Variants in WDR26 observed in about 807,000 individuals in gnomAD.
The protein encoded by WDR26 is WD repeat domain 26.
WDR26 carries 5 observed loss-of-function variants against 84.1 expected under a neutral mutation model. That is an observed-to-expected ratio of 0.06 (90% CI 0.03 to 0.13). The LOEUF (loss-of-function observed/expected upper bound fraction) is 0.13, where lower values mean the gene tolerates loss of function less well. Among genes scored for constraint, WDR26 ranks in the 10% least tolerant of loss-of-function variants. The probability of loss-of-function intolerance (pLI) is 1.00; values close to 1 mark genes in which losing one functional copy is unlikely to be tolerated. For synonymous variants in WDR26, 415 were observed against 389.6 expected (o/e 1.07, Z -0.77); for missense variants, 642 against 974.9 (o/e 0.66, Z 4.55).
chr1:224,415,740 G>A (rs1252850248), intron 6 of WDR26, among the ~76,000 whole-genome samples: 1 of 152,190 alleles, frequency 6.6e-6, no homozygotes, highest in East Asian at 1.9e-4. Context: ...GATTACAGGC[G>A]TGAGCCACTG....
chr1:224,417,582 T>TATA (rs1289070206), intron 6 of WDR26, among the ~76,000 whole-genome samples: 1 of 152,194 alleles, frequency 6.6e-6, no homozygotes, highest in African/African-American at 2.4e-5. Context: ...TGCATGCCTA[T>TATA]ATAGTCCTAG....
At chr1:224,414,217 T>C (rs1331704058) in intron 6 of WDR26, among the ~76,000 whole-genome samples, 1 of 151,900 alleles carries the variant, frequency 6.6e-6, no homozygotes, top group Non-Finnish European at 1.5e-5. Flanking sequence ...GCAATTCTCC[T>C]GCTTCAGCCT....
At position 224,431,672 on chromosome 1, in the gene WDR26, C is replaced by A; in HGVS notation, c.822+10G>T. ...GCAGCAGTCACACAGCTCTATATGC[C>A]CTACTTTACCTTATCCCAGTCTCCT... On this transcript the variant is annotated intron_variant, in intron 2 of 13. Transcript: ENST00000414423. 1 of 1,612,782 alleles carries A rather than the reference C, an allele frequency of 6.2e-7. No individual in the cohort carries two copies. Among genetic ancestry groups the A allele is most frequent in the South Asian group, 1.1e-5 (1 of 91,016 alleles).
In WDR26 at chr1:224,413,104, G is replaced by A. The variant is rs1572188843; in HGVS notation, c.1320-1539C>T. On this transcript the variant is annotated intron_variant, in intron 6 of 13. Coordinates refer to ENST00000414423, the MANE Select transcript of WDR26 (RefSeq NM_001379403.1). ...CTCAAGAAGCTGAGGCAGGAGAATC[G>A]CTTGAATGTGGGAGGTGGAGGTTGC... 2.1e-5 allele frequency: 4 copies of A among 193,590 alleles called. No individual in the cohort carries two copies. The South Asian group carries it at 3.7e-4, about 18-fold the overall frequency. 12.0% of individuals were successfully genotyped at this position (193,590 alleles called of 1,614,324 possible).
At position 224,399,100 on chromosome 1, in the gene WDR26, A is replaced by G. The variant is rs1673337969; in HGVS notation, c.1720-66T>C. ...GCACTCAGAAAGCAAATAAAGAACC[A>G]AAAGACTCCCTTCACAATATCTTTT... On this transcript the variant is annotated intron_variant, in intron 9 of 13. Transcript: ENST00000414423. 6 of 1,388,060 alleles carry G rather than the reference A, an allele frequency of 4.3e-6. No homozygotes were observed. In the East Asian group the frequency reaches 1.6e-4, roughly 37 times the overall value. The allele number at this position is 1,388,060 out of a possible 1,614,324, so 86.0% of individuals were successfully genotyped here. A position where few individuals can be genotyped will look rare whatever the true frequency, so the allele number is the denominator to read the frequency against.
intron 13 of WDR26, among the ~76,000 whole-genome samples, chr1:224,390,434 C>T (rs1367671656): frequency 6.6e-6 from 1 of 152,140 alleles, no homozygotes. Context: ...GAATCTCATA[C>T]TTTTAAAATT....
At chr1:224,430,254 A>C (rs1674353676) in intron 3 of WDR26, 1 of 152,140 alleles carries the variant, frequency 6.6e-6, no homozygotes, top group Admixed American at 6.5e-5. Context: ...TTTATTTTTC[A>C]ATTTTACTAC....
Position 224,434,167 on chromosome 1 carries a change from G to A in WDR26, c.239C>T (p.Pro80Leu), listed in dbSNP as rs1674523343. 7.0e-7 allele frequency: 1 copy of A among 1,423,264 alleles called. No individual in the cohort carries two copies. Among genetic ancestry groups the A allele is most frequent in the African/African-American group, 1.4e-5 (1 of 68,984 alleles). The allele number at this position is 1,423,264 out of a possible 1,614,324, so 88.2% of individuals were successfully genotyped here. The stretch of plus-strand genomic sequence containing the variant: ...GTGGGGGACAGCAGCGGCGGCGGGA[G>A]GGGCAGCAGCCGGGGGAAGTCCCAC... Residue 80 changes from proline (P) to leucine (L), a missense_variant, in exon 1 of 14, where the codon CCT becomes CTT. Physicochemically the swap from Pro to Leu is moderately conservative, Grantham distance 98. Coordinates refer to ENST00000414423, the MANE Select transcript of WDR26 (RefSeq NM_001379403.1).
chr1:224,434,700 GGCGGCGGGCGGCA>G lies in WDR26; in HGVS notation c.-308_-296del. On this transcript the variant is annotated 5_prime_UTR_variant, in exon 1 of 14. Transcript: ENST00000414423. Reference sequence around the variant, plus strand: ...CCCCGGCAGTGGCTGCGGCGGCGGCGGCGGCGGGCGGCAGCGGAGGCAGCTGCCGCCTCTGTCC... The same window carrying G: ...CCCCGGCAGTGGCTGCGGCGGCGGCGGCGGAGGCAGCTGCCGCCTCTGTCC... 1 of 948,008 alleles carries G rather than the reference GGCGGCGGGCGGCA, an allele frequency of 1.1e-6. No individual in the cohort carries two copies. Among genetic ancestry groups the G allele is most frequent in the Middle Eastern group, 5.4e-4 (1 of 1,860 alleles). The allele number at this position is 948,008 out of a possible 1,614,324, so 58.7% of individuals were successfully genotyped here.
intron 3 of WDR26, among the ~76,000 whole-genome samples, chr1:224,427,607 C>A (rs1674266605): frequency 6.6e-6 from 1 of 152,156 alleles, no homozygotes; most frequent in African/African-American, 2.4e-5. Context: ...CAGATCAAGA[C>A]CAAGAATATT....
intron 4 of WDR26, 75 bp from the exon 5 acceptor site, chr1:224,419,690 C>T: frequency 1.7e-6 from 2 of 1,179,692 alleles, no homozygotes. Flanking sequence ...AAGTACTGAC[C>T]ATCTGGCTAT....
At chr1:224,421,019 T>A (rs984311863) in intron 4 of WDR26, among the ~76,000 whole-genome samples, 1 of 152,234 alleles carries the variant, frequency 6.6e-6, no homozygotes, top group Non-Finnish European at 1.5e-5. Context: ...TTAGAATTGC[T>A]TCTATGTCCT....
At position 224,398,206 on chromosome 1, in the gene WDR26, C is replaced by T; in HGVS notation, c.1965G>A (p.Leu655=). ...ACTTTCTTACTAAAACTCTGTCTTG[C>T]AAGTCCCATAAATGAACTCCCTGCA... Residue 655 remains leucine, a synonymous_variant, in exon 12 of 14, where the codon TTG becomes TTA. Coordinates refer to ENST00000414423, the MANE Select transcript of WDR26 (RefSeq NM_001379403.1). The T allele has an allele frequency of 6.2e-7, 1 of 1,613,126 alleles. No homozygotes were observed. Among genetic ancestry groups the T allele is most frequent in the Non-Finnish European group, 8.5e-7 (1 of 1,179,788 alleles).
At chr1:224,396,110 C>G (rs1328455422) in intron 12 of WDR26, among the ~76,000 whole-genome samples, 1 of 152,154 alleles carries the variant, frequency 6.6e-6, no homozygotes, top group Admixed American at 6.6e-5. Flanking sequence ...AAAACATTTT[C>G]AAAACCATTC....
At chr1:224,410,691 T>G (rs1457503557) in intron 7 of WDR26, among the ~76,000 whole-genome samples, 1 of 139,372 alleles carries the variant, frequency 7.2e-6, no homozygotes, top group East Asian at 1.9e-4. Context: ...TTAATCTTTC[T>G]TTCTTTTTTT....
intron 3 of WDR26, among the ~76,000 whole-genome samples, chr1:224,428,423 C>T (rs1674291302): frequency 6.6e-6 from 1 of 152,142 alleles, no homozygotes; most frequent in African/African-American, 2.4e-5. Flanking sequence ...GCACTCAAAA[C>T]TCCTATTTGA....
At position 224,422,711 on chromosome 1, in the gene WDR26, T is replaced by C. The variant is rs1674098604; in HGVS notation, c.1064+1807A>G. On this transcript the variant is annotated intron_variant, in intron 4 of 13. Coordinates refer to ENST00000414423, the MANE Select transcript of WDR26 (RefSeq NM_001379403.1). Reference sequence around the variant, plus strand: ...CCTGGGTGACAATAGTGAAACTCTGTCTCAAAAAAAAAAAAGGAAAGAAAT... The same window carrying C: ...CCTGGGTGACAATAGTGAAACTCTGCCTCAAAAAAAAAAAAGGAAAGAAAT... 1.4e-4 allele frequency among the ~76,000 whole-genome samples: 4 copies of C among 27,654 alleles called. No homozygotes were observed. In the South Asian group the frequency reaches 0.01, roughly 71 times the overall value. 18.1% of individuals were successfully genotyped at this position (27,654 alleles called of 152,430 possible). A position where few individuals can be genotyped will look rare whatever the true frequency, so the allele number is the denominator to read the frequency against.
At chr1:224,424,730 C>T (rs1274661455) in intron 3 of WDR26, 76 bp from the exon 4 acceptor site, 2 of 1,579,488 alleles carry the variant, frequency 1.3e-6, no homozygotes, top group African/African-American at 1.3e-5. Flanking sequence ...CTAAACAGAA[C>T]AGTAGAAACC....
chr1:224,419,803 C>CTA (rs1045933860), intron 4 of WDR26, among the ~76,000 whole-genome samples, 188 bp from the exon 5 acceptor site: 2 of 151,956 alleles, frequency 1.3e-5, no homozygotes, highest in Non-Finnish European at 2.9e-5. Context: ...GTAACAATAC[C>CTA]TATATATATA....
Sources: allele counts gnomAD v4.1 joint callset (sites outside exome capture counted in the v4.1 genomes callset), GRCh38; gene constraint gnomAD v4.1.1; transcripts MANE v1.5; gene names NCBI Gene and HGNC (gene_info 2026-07-23, HGNC 2026-07-21).